Variants in NEXMIF observed in about 807,000 individuals in gnomAD.
NEXMIF encodes neurite extension and migration factor.
A neutral mutation model predicts 62.1 loss-of-function variants in NEXMIF; 8 were observed. The observed-to-expected ratio is 0.13, with a 90% CI of 0.08 to 0.23. The LOEUF (loss-of-function observed/expected upper bound fraction) is 0.23. Ranked by LOEUF, NEXMIF falls within the 10% of genes least tolerant of loss-of-function variation. The probability of loss-of-function intolerance (pLI) is 1.00; values close to 1 mark genes in which losing one functional copy is unlikely to be tolerated. For synonymous variants in NEXMIF, 404 were observed against 416.6 expected (o/e 0.97, Z 0.37); for missense variants, 976 against 1,113.3 (o/e 0.88, Z 1.75).
intron 1 of NEXMIF, among the ~76,000 whole-genome samples, chrX:74,916,412 TGA>T (rs1434542798): frequency 8.9e-6 from 1 of 112,092 alleles, no homozygotes; most frequent in Admixed American, 9.4e-5. Flanking sequence ...GTGGCAGTAT[TGA>T]GAGGTGGAGC....
chrX:74,796,203 T>TATATATTATATATATAC lies in NEXMIF; in HGVS notation c.-47-50507_-47-50506insGTATATATATAATATAT, dbSNP rs1569345192. 9.5e-3 allele frequency among the ~76,000 whole-genome samples: 221 copies of TATATATTATATATATAC among 23,329 alleles called. 1 individual carries two copies. In the Middle Eastern group the frequency reaches 0.12, roughly 13 times the overall value. The allele number at this position is 23,329 out of a possible 115,157, so 20.3% of individuals were successfully genotyped here. A position where few individuals can be genotyped will look rare whatever the true frequency, so the allele number is the denominator to read the frequency against. The stretch of plus-strand genomic sequence containing the variant: ...TATACATATATATTATATATATACA[T>TATATATTATATATATAC]ATATATTATATATATATACATATAT... On this transcript the variant is annotated intron_variant, in intron 1 of 3. Coordinates refer to ENST00000055682, the MANE Select transcript of NEXMIF (RefSeq NM_001008537.3).
intron 1 of NEXMIF, among the ~76,000 whole-genome samples, chrX:74,840,983 T>C (rs984170467): frequency 4.5e-5 from 5 of 112,336 alleles, no homozygotes; most frequent in African/African-American, 1.6e-4. Context: ...TGGTTCCATA[T>C]GAATTTTAAA....
intron 1 of NEXMIF, among the ~76,000 whole-genome samples, chrX:74,835,255 G>C (rs1014509389): frequency 1.8e-5 from 2 of 111,852 alleles, no homozygotes; most frequent in Admixed American, 9.5e-5. Flanking sequence ...CAGCTATTCT[G>C]AATTCTGTCT....
intron 1 of NEXMIF, among the ~76,000 whole-genome samples, chrX:74,749,965 C>A (rs2080137082): frequency 9.0e-6 from 1 of 111,477 alleles, no homozygotes; most frequent in African/African-American, 3.3e-5. Context: ...TAGGTACAAA[C>A]AAGAAAATAT....
intron 1 of NEXMIF, among the ~76,000 whole-genome samples, chrX:74,775,912 T>C (rs1387108321): frequency 1.8e-5 from 2 of 112,074 alleles, no homozygotes; most frequent in Non-Finnish European, 3.8e-5. Flanking sequence ...TCTCCAAACA[T>C]TTAATTGCAG....
chrX:74,836,571 G>A (rs1462629869), intron 1 of NEXMIF, among the ~76,000 whole-genome samples: 1 of 110,582 alleles, frequency 9.0e-6, no homozygotes, highest in East Asian at 2.9e-4. Flanking sequence ...GGTATAGCTA[G>A]AAATGTTGTC....
At chrX:74,753,227 T>A (rs1026205841) in intron 1 of NEXMIF, among the ~76,000 whole-genome samples, 1 of 112,350 alleles carries the variant, frequency 8.9e-6, no homozygotes, top group Non-Finnish European at 1.9e-5. Context: ...AAAAATGTTA[T>A]TACATTCTTT....
intron 1 of NEXMIF, among the ~76,000 whole-genome samples, chrX:74,877,483 C>T (rs189624083): frequency 1.6e-4 from 18 of 110,972 alleles, no homozygotes; most frequent in African/African-American, 5.9e-4. Context: ...AGTTGCTCTT[C>T]TCGAGGAGTA....
chrX:74,786,885 CT>C (rs1182388608), intron 1 of NEXMIF, among the ~76,000 whole-genome samples: 1 of 110,775 alleles, frequency 9.0e-6, no homozygotes, highest in Non-Finnish European at 1.9e-5. Context: ...ACACACACCC[CT>C]ATCACTAGTC....
chrX:74,859,839 C>T lies in NEXMIF; in HGVS notation c.-48+65044G>A, dbSNP rs1033458661. 4.5e-5 allele frequency among the ~76,000 whole-genome samples: 5 copies of T among 111,167 alleles called. No individual in the cohort carries two copies. In the Admixed American group the frequency reaches 4.8e-4, roughly 11 times the overall value. On this transcript the variant is annotated intron_variant, in intron 1 of 3. Transcript: ENST00000055682. The stretch of plus-strand genomic sequence containing the variant: ...TATGGAAACAATGCTATGTTGTTGT[C>T]AGCTTAAAAAGCCTCGTGGTAACCT...
chrX:74,846,936 T>C (rs1222564718), intron 1 of NEXMIF, among the ~76,000 whole-genome samples: 1 of 112,037 alleles, frequency 8.9e-6, no homozygotes, highest in African/African-American at 3.2e-5. Context: ...ATTCAAAATG[T>C]CCCATTTTAA....
chrX:74,796,385 A>G (rs1406753731), intron 1 of NEXMIF, among the ~76,000 whole-genome samples: 1 of 98,447 alleles, frequency 1.0e-5, no homozygotes, highest in African/African-American at 3.7e-5. Context: ...ACAAACATAT[A>G]TTACCCAGTT....
chrX:74,806,281 G>A (rs981851296), intron 1 of NEXMIF, among the ~76,000 whole-genome samples: 1 of 111,077 alleles, frequency 9.0e-6, no homozygotes, highest in Non-Finnish European at 1.9e-5. Flanking sequence ...GACGGAGGGA[G>A]TGGGGCAAGG....
chrX:74,757,084 G>C (rs2080161634), intron 1 of NEXMIF, among the ~76,000 whole-genome samples: 1 of 111,740 alleles, frequency 8.9e-6, no homozygotes, highest in East Asian at 2.8e-4. Context: ...GGGCTCACTT[G>C]CAACATCCAA....
intron 1 of NEXMIF, among the ~76,000 whole-genome samples, chrX:74,762,036 T>C (rs1025349150): frequency 9.0e-6 from 1 of 111,130 alleles, no homozygotes; most frequent in African/African-American, 3.3e-5. Context: ...TACATATGTA[T>C]ACATGCATTA....
At chrX:74,922,340 GTGTGT>G (rs1569369717) in intron 1 of NEXMIF, among the ~76,000 whole-genome samples, 27 of 3,213 alleles carry the variant, frequency 8.4e-3, no homozygotes, top group African/African-American at 0.032. Context: ...TGTTATGGGT[GTGTGT>G]GTGTGTGTGT....
intron 1 of NEXMIF, among the ~76,000 whole-genome samples, chrX:74,872,517 G>C (rs1375430765): frequency 9.1e-6 from 1 of 109,578 alleles, no homozygotes; most frequent in African/African-American, 3.3e-5. Context: ...CCTAGTATTT[G>C]CTAGCACATC....
chrX:74,796,161 AT>A (rs1354940879), intron 1 of NEXMIF, among the ~76,000 whole-genome samples: 17 of 46,139 alleles, frequency 3.7e-4, no homozygotes, highest in South Asian at 2.5e-3. Flanking sequence ...ATACATATAT[AT>A]TATATATATT....
In NEXMIF at chrX:74,924,992, G is replaced by A. The variant is rs1456419231; in HGVS notation, c.-157C>T. On this transcript the variant is annotated 5_prime_UTR_variant, in exon 1 of 4. Coordinates refer to ENST00000055682, the MANE Select transcript of NEXMIF (RefSeq NM_001008537.3). ...GCTGTCGCCGTCGCCGCAGCTGTTCGAGCTGCCTTAGCCGCCACCGCCGCT... is the reference window on the plus strand; with the variant it reads ...GCTGTCGCCGTCGCCGCAGCTGTTCAAGCTGCCTTAGCCGCCACCGCCGCT... 3.4e-5 allele frequency: 4 copies of A among 116,926 alleles called. No homozygotes were observed. In the East Asian group the frequency reaches 8.2e-4, roughly 24 times the overall value. 9.6% of individuals were successfully genotyped at this position (116,926 alleles called of 1,213,427 possible).
Sources: allele counts gnomAD v4.1 joint callset (sites outside exome capture counted in the v4.1 genomes callset), GRCh38; gene constraint gnomAD v4.1.1; transcripts MANE v1.5; gene names NCBI Gene and HGNC (gene_info 2026-07-23, HGNC 2026-07-21).